The following DNAH1 variants were observed in gnomAD, a reference collection of about 807,000 sequenced individuals.
The protein encoded by DNAH1 is dynein axonemal heavy chain 1, also known as axonemal beta dynein heavy chain 1.
In DNAH1, 327 loss-of-function variants were observed where a neutral mutation model predicts 484.3. That is an observed-to-expected ratio of 0.68 (90% CI 0.62 to 0.74). The LOEUF (loss-of-function observed/expected upper bound fraction) is 0.74. DNAH1 is among the 30% of genes least tolerant of loss of function. The pLI, the probability that DNAH1 is intolerant of heterozygous loss-of-function variation, is 0.00. For synonymous variants in DNAH1, 2,192 were observed against 2,191.9 expected (o/e 1.00, Z 0.00); for missense variants, 5,052 against 5,546.8 (o/e 0.91, Z 2.83).
intron 2 of DNAH1, 135 bp from the exon 3 acceptor site, chr3:52,323,673 G>A: frequency 1.6e-6 from 1 of 620,542 alleles, no homozygotes; most frequent in Non-Finnish European, 2.9e-6. Context: ...ATACTCACTG[G>A]TTCTGCCCAC....
rs776744552 is a variant in DNAH1 at position 52,373,045 on chromosome 3, A to G, written c.6977A>G (p.Lys2326Arg). The change falls in exon 44 of 78, where the codon AAG becomes AGG. Residue 2326 changes from lysine (K) to arginine (R), a missense_variant. By Grantham distance (26) the Lys-to-Arg change is conservative. This residue lies in a region of DNAH1 where 2,929 missense variants were observed against 3,409.4 expected (regional missense o/e 0.86). Coordinates refer to ENST00000420323, the MANE Select transcript of DNAH1 (RefSeq NM_015512.5). Reference protein sequence around the residue: ...WMDHGGWYDRKIIGAFKNLVD... With the variant: ...WMDHGGWYDRRIIGAFKNLVD... The stretch of plus-strand genomic sequence containing the variant: ...GACCACGGCGGCTGGTACGACCGCA[A>G]GATCATTGGTGAGTGTGGCCGGCCT... The G allele has an allele frequency of 1.9e-6, 3 of 1,611,534 alleles. No individual in the cohort carries two copies. The highest frequency in any genetic ancestry group is 1.1e-5 in the South Asian group (1 of 90,994).
chr3:52,355,781 G>A lies in DNAH1; in HGVS notation c.3693+726G>A, dbSNP rs547550696. ...CCACTCGACCTGGAGTTTGACACCC[G>A]CCTTCCATCTCCTCCAAGGCCCAGC... On this transcript the variant is annotated intron_variant, in intron 21 of 77. Transcript: ENST00000420323. This position sits in a 1 kb window ranked among gnomAD's most constrained non-coding sequence, Gnocchi z 4.5. 5.3e-5 allele frequency among the ~76,000 whole-genome samples: 8 copies of A among 152,262 alleles called. No individual in the cohort carries two copies. Among genetic ancestry groups the A allele is most frequent in the South Asian group, 2.1e-4 (1 of 4,814 alleles).
chr3:52,321,049 G>A lies in DNAH1; in HGVS notation c.-34-1360G>A, dbSNP rs62257588. On this transcript the variant is annotated intron_variant, in intron 1 of 77. Coordinates refer to ENST00000420323, the MANE Select transcript of DNAH1 (RefSeq NM_015512.5). The stretch of plus-strand genomic sequence containing the variant: ...TCCTGATCTCAAGTGATCCACCCAC[G>A]TCAGCCTCCCGAAGTGCTGGGATTA... 4.6e-5 allele frequency among the ~76,000 whole-genome samples: 7 copies of A among 151,384 alleles called. No homozygotes were observed. The East Asian group carries it at 1.4e-3, about 29-fold the overall frequency.
Position 52,352,972 on chromosome 3 carries a change from T to C in DNAH1, c.3028-131T>C. 8 of 1,047,510 alleles carry C rather than the reference T, an allele frequency of 7.6e-6. No homozygotes were observed. The South Asian group carries it at 8.3e-5, about 11-fold the overall frequency. 64.9% of individuals were successfully genotyped at this position (1,047,510 alleles called of 1,614,324 possible). ...AAGAAGGGAGGCCAGGCCCAGGTGT[T>C]TGGGGGCACGGTCAGGGACATCAGC... On this transcript the variant is annotated intron_variant, in intron 18 of 77. Coordinates refer to ENST00000420323, the MANE Select transcript of DNAH1 (RefSeq NM_015512.5).
chr3:52,347,849 A>G lies in DNAH1; in HGVS notation c.1981A>G (p.Met661Val), dbSNP rs61734653. The G allele has an allele frequency of 5.6e-3, 8,898 of 1,599,060 alleles. 69 individuals are homozygous for G. Among genetic ancestry groups the G allele is most frequent in the South Asian group, 0.023 (2,057 of 88,612 alleles). ...GCCCCGGAAGAATCCCCTGTTCATCATGGACCTGGTGCTGGACAGCTCTGG... is the reference window on the plus strand; with the variant it reads ...GCCCCGGAAGAATCCCCTGTTCATCGTGGACCTGGTGCTGGACAGCTCTGG... ...YRPRKNPLFIMDLVLDSSGVH... is the reference protein window; with the variant it reads ...YRPRKNPLFIVDLVLDSSGVH... Residue 661 changes from methionine to valine, a missense_variant, in exon 12 of 78, where the codon ATG (methionine) becomes GTG (valine). By Grantham distance (21) the Met-to-Val change is conservative. Transcript: ENST00000420323.
At chr3:52,329,478 C>T (rs1701464282) in intron 6 of DNAH1, among the ~76,000 whole-genome samples, 1 of 152,126 alleles carries the variant, frequency 6.6e-6, no homozygotes, top group African/African-American at 2.4e-5. Flanking sequence ...GGAGCATTTC[C>T]TGAGAATTCC....
chr3:52,396,361 C>A lies in DNAH1; in HGVS notation c.11260-7C>A. On this transcript the variant is annotated splice_polypyrimidine_tract_variant and splice_region_variant and intron_variant, in intron 70 of 77. Transcript: ENST00000420323. Reference sequence around the variant, plus strand: ...TCTCAATGCTCACGTGGAGCCATGGCCACCAGGTACACAGGGACTTCCGCC... The same window carrying A: ...TCTCAATGCTCACGTGGAGCCATGGACACCAGGTACACAGGGACTTCCGCC... 6.4e-7 allele frequency: 1 copy of A among 1,568,074 alleles called. No homozygotes were observed. Among genetic ancestry groups the A allele is most frequent in the Non-Finnish European group, 8.6e-7 (1 of 1,157,350 alleles).
intron 16 of DNAH1, among the ~76,000 whole-genome samples, chr3:52,350,807 C>T (rs113447902): frequency 6.6e-6 from 1 of 152,332 alleles, no homozygotes; most frequent in African/African-American, 2.4e-5. Context: ...GCCTCAGCTG[C>T]TCCCCAACCC....
Position 52,395,406 on chromosome 3 carries a change from G to C in DNAH1, c.11067G>C (p.Lys3689Asn), listed in dbSNP as rs201930615. The change falls in exon 69 of 78, where the codon AAG becomes AAC. Residue 3689 changes from lysine to asparagine, a missense_variant. By Grantham distance (94) the Lys-to-Asn change is moderately conservative. Coordinates refer to ENST00000420323, the MANE Select transcript of DNAH1 (RefSeq NM_015512.5). This position sits in a 1 kb window ranked among gnomAD's most constrained non-coding sequence, Gnocchi z 4.4. ...CAGACCCTGCTGCCGACCTCTACAA[G>C]TTTGCCGAAGAAATGAAGTTCTCCA... is the stretch of plus-strand genomic sequence containing the variant. ...PGTDPAADLY[K>N]FAEEMKFSKK... is the part of the protein sequence containing the mutation. 1.2e-6 allele frequency: 2 copies of C among 1,613,898 alleles called. No homozygotes were observed. Among genetic ancestry groups the C allele is most frequent in the African/African-American group, 1.3e-5 (1 of 75,058 alleles).
chr3:52,344,777 C>T (rs1199004351), intron 9 of DNAH1, 130 bp downstream of exon 9: 8 of 1,021,238 alleles, frequency 7.8e-6, no homozygotes, highest in Non-Finnish European at 1.1e-5. Context: ...TGCACCTCCC[C>T]TGTCTCCAGC....
intron 1 of DNAH1, among the ~76,000 whole-genome samples, chr3:52,319,875 A>G (rs1415007316): frequency 6.6e-6 from 1 of 152,108 alleles, no homozygotes; most frequent in Non-Finnish European, 1.5e-5. Context: ...TTTGGGACAC[A>G]CCTCGGTGCA....
Position 52,397,832 on chromosome 3 carries a change from G to C in DNAH1, c.11913G>C (p.Gln3971His). 2 of 1,612,126 alleles carry C rather than the reference G, an allele frequency of 1.2e-6. No individual in the cohort carries two copies. Among genetic ancestry groups the C allele is most frequent in the Non-Finnish European group, 1.7e-6 (2 of 1,178,972 alleles). Residue 3971 changes from glutamine (Q) to histidine (H), a missense_variant, in exon 74 of 78, where the codon CAG becomes CAC. Gln to His is a conservative substitution (Grantham distance 24, BLOSUM62 0). Coordinates refer to ENST00000420323, the MANE Select transcript of DNAH1 (RefSeq NM_015512.5). ...ETFALLGTII[Q>H]LQPKSSSAGS... ...TCGCCCTCCTGGGCACCATCATCCA[G>C]CTGCAACCCAAATCATCTTCTGCAG...
chr3:52,398,935 CTGG>C lies in DNAH1; in HGVS notation c.12176_12178del (p.Leu4059_Glu4060delinsGln). 1.2e-6 allele frequency: 2 copies of C among 1,613,292 alleles called. No individual in the cohort carries two copies. Among genetic ancestry groups the C allele is most frequent in the Non-Finnish European group, 1.7e-6 (2 of 1,179,398 alleles). On this transcript the variant is annotated inframe_deletion, in exon 76 of 78. Transcript: ENST00000420323. ...GGGGCTGGTAGTGATGTCCTCTCAG[CTGG>C]AGCTGATGGCTGCCAGCCTGTACAA...
At position 52,356,684 on chromosome 3, in the gene DNAH1, A is replaced by T; in HGVS notation, c.3764A>T (p.Asp1255Val). The change falls in exon 22 of 78, where the codon GAC becomes GTC. Residue 1255 changes from aspartate (D) to valine (V), a missense_variant. By Grantham distance (152) the Asp-to-Val change is radical (BLOSUM62 -3). Around this residue, in one of 4 missense-constraint regions of DNAH1, gnomAD observed 2,929 missense variants for 3,409.4 expected, o/e 0.86. Transcript: ENST00000420323. ...LYLEPIFSSEDINQQLPVESK... is the reference protein window; with the variant it reads ...LYLEPIFSSEVINQQLPVESK... Reference sequence around the variant, plus strand: ...CTGGAGCCCATCTTTAGCTCTGAGGACATCAACCAGCAGCTGCCTGTGGAG... The same window carrying T: ...CTGGAGCCCATCTTTAGCTCTGAGGTCATCAACCAGCAGCTGCCTGTGGAG... 1 of 1,613,906 alleles carries T rather than the reference A, an allele frequency of 6.2e-7. No individual in the cohort carries two copies. The highest frequency in any genetic ancestry group is 1.7e-5 in the Admixed American group (1 of 60,012).
At position 52,399,582 on chromosome 3, in the gene DNAH1, C is replaced by T; in HGVS notation, c.12479C>T (p.Pro4160Leu). 2 of 1,613,628 alleles carry T rather than the reference C, an allele frequency of 1.2e-6. No individual in the cohort carries two copies. Among genetic ancestry groups the T allele is most frequent in the Non-Finnish European group, 1.7e-6 (2 of 1,179,676 alleles). The stretch of plus-strand genomic sequence containing the variant: ...GCACCATCAGAGTTAACACAAAGAC[C>T]CCAAGTAGGGTGCTATATCCATGGA... ...FEAPSELTQR[P>L]QVGCYIHGLF... is the part of the protein sequence containing the mutation. The change falls in exon 77 of 78, where the codon CCC becomes CTC. Residue 4160 changes from proline (P) to leucine (L), a missense_variant. Pro to Leu is a moderately conservative substitution (Grantham distance 98). Transcript: ENST00000420323.
At position 52,396,573 on chromosome 3, in the gene DNAH1, C is replaced by T. The variant is rs758545348; in HGVS notation, c.11430+35C>T. On this transcript the variant is annotated intron_variant, in intron 71 of 77. Transcript: ENST00000420323. Reference sequence around the variant, plus strand: ...ACTTGGTGCAGGCCTACCCTACCTGCCCCCGTCCCCGCTCCTCACCTCCCC... The same window carrying T: ...ACTTGGTGCAGGCCTACCCTACCTGTCCCCGTCCCCGCTCCTCACCTCCCC... 5 of 1,611,354 alleles carry T rather than the reference C, an allele frequency of 3.1e-6. No individual in the cohort carries two copies. In the East Asian group the frequency reaches 1.1e-4, roughly 36 times the overall value.
At chr3:52,357,144 G>A (rs1702646986) in intron 22 of DNAH1, among the ~76,000 whole-genome samples, 1 of 151,518 alleles carries the variant, frequency 6.6e-6, no homozygotes, top group Non-Finnish European at 1.5e-5. Context: ...ACCTCCCGGA[G>A]GCTGAGACAG....
At chr3:52,344,686 C>T (rs767682189) in intron 9 of DNAH1, 39 bp downstream of exon 9, 17 of 1,587,478 alleles carry the variant, frequency 1.1e-5, no homozygotes, top group Non-Finnish European at 1.4e-5. Context: ...CATGGCCATC[C>T]ACCTGGCCAG....
chr3:52,331,272 G>T lies in DNAH1; in HGVS notation c.996G>T (p.Met332Ile). Residue 332 changes from methionine to isoleucine, a missense_variant, in exon 7 of 78, where the codon ATG (methionine) becomes ATT (isoleucine). Around this residue, in one of 4 missense-constraint regions of DNAH1, gnomAD observed 1,263 missense variants for 1,218.8 expected, o/e 1.04. Transcript: ENST00000420323. ...AGAAAGGCCTGGTGCGAGATGAGAT[G>T]GGGAGGCCCATCCTGAATGCAGGGG... is the stretch of plus-strand genomic sequence containing the variant. ...TDEKGLVRDE[M>I]GRPILNAGVT... 6.2e-7 allele frequency: 1 copy of T among 1,610,864 alleles called. No individual in the cohort carries two copies. The highest frequency in any genetic ancestry group is 1.1e-5 in the South Asian group (1 of 90,118).
Sources: gnomAD v4.1 joint callset for allele counts (sites outside exome capture counted in the v4.1 genomes callset) on GRCh38, gnomAD v4.1.1 for gene constraint, gnomAD v4.1.1 regional missense constraint, Gnocchi (gnomAD v3.1) non-coding constraint, MANE v1.5 for transcripts, NCBI Gene and HGNC (gene_info 2026-07-23, HGNC 2026-07-21) for gene names.